The following GABRB3 variants were observed in gnomAD, a reference collection of about 807,000 sequenced individuals.
GABRB3 encodes gamma-aminobutyric acid type A receptor subunit beta3, also known as gamma-aminobutyric acid receptor subunit beta-3.
GABRB3 carries 14 observed loss-of-function variants against 52.1 expected under a neutral mutation model. That is an observed-to-expected ratio of 0.27 (90% confidence interval 0.18 to 0.42). GABRB3 has a LOEUF of 0.42. Ranked by LOEUF, GABRB3 falls within the 10% of genes least tolerant of loss-of-function variation. The probability of loss-of-function intolerance (pLI) is 1.00; values close to 1 mark genes in which losing one functional copy is unlikely to be tolerated. For missense variants in GABRB3, 307 were observed against 609.1 expected (o/e 0.50, Z 5.22); for synonymous variants, 260 against 232.3 (o/e 1.12, Z -1.08).
In GABRB3 at chr15:26,606,813, G is replaced by GATATATCT. The variant is rs1302976387; in HGVS notation, c.461+14500_461+14501insAGATATAT. Among the ~76,000 whole-genome samples, 15 of 72,686 alleles carry GATATATCT rather than the reference G, an allele frequency of 2.1e-4. No homozygotes were observed. The East Asian group carries it at 0.013, about 61-fold the overall frequency. 47.7% of individuals were successfully genotyped at this position (72,686 alleles called of 152,430 possible). On this transcript the variant is annotated intron_variant, in intron 4 of 8. Coordinates refer to ENST00000311550, the MANE Select transcript of GABRB3 (RefSeq NM_000814.6). ...CTATAGATAGATATATCTATAGATA[G>GATATATCT]ATAGATAGATAGATAGATAGATAGA...
intron 8 of GABRB3, among the ~76,000 whole-genome samples, chr15:26,559,129 A>T (rs1889881718): frequency 6.6e-6 from 1 of 152,198 alleles, no homozygotes. Flanking sequence ...AACACTGGGG[A>T]TTACAATTTG....
intron 3 of GABRB3, among the ~76,000 whole-genome samples, chr15:26,627,240 C>T (rs1176622655): frequency 6.6e-6 from 1 of 151,564 alleles, no homozygotes; most frequent in African/African-American, 2.4e-5. Flanking sequence ...AATGTTACTG[C>T]TCATTTTCAA....
chr15:26,610,097 C>T (rs1296682985), intron 4 of GABRB3, among the ~76,000 whole-genome samples: 6 of 152,204 alleles, frequency 3.9e-5, no homozygotes, highest in Non-Finnish European at 1.5e-5. Flanking sequence ...GCGTGATCTG[C>T]TTCCTGTTGA....
intron 3 of GABRB3, among the ~76,000 whole-genome samples, chr15:26,749,508 A>G (rs1957764678): frequency 6.6e-6 from 1 of 152,182 alleles, no homozygotes; most frequent in Non-Finnish European, 1.5e-5. Flanking sequence ...GTTGTGTAAA[A>G]TGTTCTATAA....
At chr15:26,634,907 ATATC>A (rs1407797502) in intron 3 of GABRB3, among the ~76,000 whole-genome samples, 1 of 113,630 alleles carries the variant, frequency 8.8e-6, no homozygotes, top group Non-Finnish European at 2.0e-5. Flanking sequence ...AAAATTATAT[ATATC>A]TCTCTCCAAA....
intron 8 of GABRB3, among the ~76,000 whole-genome samples, chr15:26,559,775 TTAGAAAGTTCA>T (rs1889910925): frequency 6.6e-6 from 1 of 152,140 alleles, no homozygotes; most frequent in African/African-American, 2.4e-5. Context: ...TGCAAGGGCT[TTAGAAAGTTCA>T]TGGACTTCAT....
intron 3 of GABRB3, among the ~76,000 whole-genome samples, chr15:26,697,157 A>G (rs183482765): frequency 1.1e-3 from 165 of 152,316 alleles, no homozygotes; most frequent in Middle Eastern, 3.4e-3. Context: ...AAATGCATGG[A>G]AAGTGTAATT....
At chr15:26,586,021 C>A (rs1029493176) in intron 4 of GABRB3, among the ~76,000 whole-genome samples, 5 of 152,086 alleles carry the variant, frequency 3.3e-5, no homozygotes, top group African/African-American at 1.2e-4. Flanking sequence ...GTTTTTGCTA[C>A]GGAGTCTTGC....
intron 3 of GABRB3, among the ~76,000 whole-genome samples, chr15:26,734,126 T>C (rs925633760): frequency 6.8e-6 from 1 of 147,820 alleles, no homozygotes. Context: ...GCCTCCTGGG[T>C]TCAAGCAATT....
chr15:26,697,139 A>T (rs1407127161), intron 3 of GABRB3, among the ~76,000 whole-genome samples: 1 of 152,224 alleles, frequency 6.6e-6, no homozygotes, highest in African/African-American at 2.4e-5. Flanking sequence ...CAGATTCCTT[A>T]GAGTGCTAAA....
At chr15:26,770,001 AG>A (rs1368057335) in intron 3 of GABRB3, among the ~76,000 whole-genome samples, 2 of 152,160 alleles carry the variant, frequency 1.3e-5, no homozygotes, top group Non-Finnish European at 2.9e-5. Flanking sequence ...ACTGAGTGGC[AG>A]CTCTAATCCT....
chr15:26,724,805 C>T (rs1451207250), intron 3 of GABRB3, among the ~76,000 whole-genome samples: 1 of 152,058 alleles, frequency 6.6e-6, no homozygotes, highest in African/African-American at 2.4e-5. Flanking sequence ...ATTTAGCCAC[C>T]CCAGTCTGCA....
intron 4 of GABRB3, chr15:26,615,445 T>G: frequency 2.0e-6 from 2 of 986,744 alleles, no homozygotes; most frequent in Non-Finnish European, 2.4e-6. Flanking sequence ...CAAGCTAGTG[T>G]TACCCCAAGT....
At position 26,635,010 on chromosome 15, in the gene GABRB3, A is replaced by ATATATATATATATATATAT. The variant is rs10676156; in HGVS notation, c.241-13477_241-13476insATATATATATATATATATA. On this transcript the variant is annotated intron_variant, in intron 3 of 8. Transcript: ENST00000311550. ...AATATATATATATATATATATATAT[A>ATATATATATATATATATAT]ATATATATATATTTAGAGAGGAAGA... Among the ~76,000 whole-genome samples, 361 of 74,812 alleles carry ATATATATATATATATATAT rather than the reference A, an allele frequency of 4.8e-3. 62 individuals are homozygous for ATATATATATATATATATAT. Among genetic ancestry groups the ATATATATATATATATATAT allele is most frequent in the Non-Finnish European group, 5.9e-3 (233 of 39,482 alleles). The allele number at this position is 74,812 out of a possible 152,430, so 49.1% of individuals were successfully genotyped here.
intron 3 of GABRB3, among the ~76,000 whole-genome samples, chr15:26,729,752 A>G (rs1439660714): frequency 6.6e-6 from 1 of 152,128 alleles, no homozygotes; most frequent in African/African-American, 2.4e-5. Flanking sequence ...CTCCAGGTGC[A>G]TGCTCAGATT....
intron 5 of GABRB3, among the ~76,000 whole-genome samples, chr15:26,582,498 C>T (rs1308368274): frequency 1.3e-5 from 2 of 152,140 alleles, no homozygotes; most frequent in East Asian, 3.9e-4. Flanking sequence ...CTTTCTTATT[C>T]TGTGAAAGCA....
intron 3 of GABRB3, among the ~76,000 whole-genome samples, chr15:26,660,146 C>T (rs1361274987): frequency 6.6e-6 from 1 of 151,792 alleles, no homozygotes; most frequent in Non-Finnish European, 1.5e-5. Context: ...AGGAGAATTG[C>T]TTGAACCCGG....
chr15:26,757,661 C>T (rs976342518), intron 3 of GABRB3, among the ~76,000 whole-genome samples: 4 of 152,140 alleles, frequency 2.6e-5, no homozygotes, highest in South Asian at 2.1e-4. Context: ...AGCAATTGAA[C>T]TAAAAATCAA....
intron 8 of GABRB3, among the ~76,000 whole-genome samples, chr15:26,554,033 A>T (rs1208074840): frequency 1.3e-5 from 1 of 75,854 alleles, no homozygotes; most frequent in East Asian, 2.3e-4. Flanking sequence ...ATATATATAT[A>T]TATTTATTTA....
Sources: allele counts gnomAD v4.1 joint callset (sites outside exome capture counted in the v4.1 genomes callset), GRCh38; gene constraint gnomAD v4.1.1; transcripts MANE v1.5; gene names NCBI Gene and HGNC (gene_info 2026-07-23, HGNC 2026-07-21).